Variants in POU2F2 observed in about 807,000 individuals in gnomAD.
The protein encoded by POU2F2 is POU domain, class 2, transcription factor 2.
A neutral mutation model predicts 63.5 loss-of-function variants in POU2F2; 14 were observed. The observed-to-expected ratio is 0.22, with a 90% CI of 0.15 to 0.34. POU2F2 has a LOEUF of 0.34. Ranked by LOEUF, POU2F2 falls within the 10% of genes least tolerant of loss-of-function variation. The pLI is 1.00. For missense variants in POU2F2, 607 were observed against 815.2 expected (o/e 0.74, Z 3.11); for synonymous variants, 306 against 348.6 (o/e 0.88, Z 1.36).
chr19:42,096,802 A>T lies in POU2F2; in HGVS notation c.568-559T>A, dbSNP rs369123113. On this transcript the variant is annotated intron_variant, in intron 7 of 14. Coordinates refer to ENST00000692977, the MANE Select transcript of POU2F2 (RefSeq NM_001394376.1). The surrounding 1 kb of genome is among the most constrained non-coding windows in gnomAD (Gnocchi z 4.1). Reference sequence around the variant, plus strand: ...CAGCTATGAACTTTGGGTAATAGTGATGTGTCAATGTAGGTTCATCACCTG... The same window carrying T: ...CAGCTATGAACTTTGGGTAATAGTGTTGTGTCAATGTAGGTTCATCACCTG... Among the ~76,000 whole-genome samples the T allele has an allele frequency of 3.9e-4, 60 of 152,260 alleles. No homozygotes were observed. The highest frequency in any genetic ancestry group is 1.4e-3 in the African/African-American group (57 of 41,538).
rs551132898 is a variant in POU2F2 at position 42,170,572 on chromosome 19, T to G, written c.-70+5391A>C. Among the ~76,000 whole-genome samples, 5 of 152,232 alleles carry G rather than the reference T, an allele frequency of 3.3e-5. No homozygotes were observed. In the South Asian group the frequency reaches 8.3e-4, roughly 25 times the overall value. ...TCCCTGAACACTTTGTGGGTGGGCATGTACACATAGACGCACAAGCAAACA... is the reference window on the plus strand; with the variant it reads ...TCCCTGAACACTTTGTGGGTGGGCAGGTACACATAGACGCACAAGCAAACA... On this transcript the variant is annotated intron_variant, in intron 1 of 6. Transcript: ENST00000524801.
intron 1 of POU2F2, among the ~76,000 whole-genome samples, chr19:42,168,009 G>A (rs1310426309): frequency 1.3e-5 from 2 of 152,206 alleles, no homozygotes; most frequent in African/African-American, 2.4e-5. Context: ...TCAATAGAAC[G>A]TCAGTAGAAA....
At chr19:42,185,883 G>A (rs767796595) in intron 1 of POU2F2, among the ~76,000 whole-genome samples, 2 of 152,040 alleles carry the variant, frequency 1.3e-5, no homozygotes, top group Non-Finnish European at 2.9e-5. Context: ...AACTAGACTG[G>A]GAAAATTGAA....
chr19:42,171,823 G>T (rs1177716791), intron 1 of POU2F2, among the ~76,000 whole-genome samples: 6 of 152,064 alleles, frequency 3.9e-5, no homozygotes, highest in Non-Finnish European at 7.3e-5. Flanking sequence ...AACCTTGTTG[G>T]TTTCTGTGAG....
chr19:42,174,905 C>T lies in POU2F2; in HGVS notation c.-70+1058G>A, dbSNP rs565202975. Among the ~76,000 whole-genome samples, 4 of 152,308 alleles carry T rather than the reference C, an allele frequency of 2.6e-5. No homozygotes were observed. In the South Asian group the frequency reaches 8.3e-4, roughly 32 times the overall value. ...TTGGGTCTTTCTCTAAATCCAGGAC[C>T]TACTCCCCAACTCCACAGGCCCCAG... is the stretch of plus-strand genomic sequence containing the variant. On this transcript the variant is annotated intron_variant, in intron 1 of 6. Transcript: ENST00000524801.
upstream of POU2F2, among the ~76,000 whole-genome samples, chr19:42,135,165 G>A (rs1466123173): frequency 1.3e-5 from 2 of 152,112 alleles, no homozygotes; most frequent in African/African-American, 4.8e-5. Flanking sequence ...CATAGGCACT[G>A]CCCTCATCTG....
In POU2F2 at chr19:42,153,461, T is replaced by G. The variant is rs567650353; in HGVS notation, c.-9+6871A>C. On this transcript the variant is annotated intron_variant, in intron 2 of 6. Coordinates refer to the POU2F2 transcript ENST00000524801. The surrounding 1 kb of genome is among the most constrained non-coding windows in gnomAD (Gnocchi z 5.6). Reference sequence around the variant, plus strand: ...TCCCATGTGCTCTGGGAAGCCTGTGTGTGTTGGCGTGCGCATGCCCCTGAC... The same window carrying G: ...TCCCATGTGCTCTGGGAAGCCTGTGGGTGTTGGCGTGCGCATGCCCCTGAC... Among the ~76,000 whole-genome samples, 4 of 152,112 alleles carry G rather than the reference T, an allele frequency of 2.6e-5. No individual in the cohort carries two copies. Among genetic ancestry groups the G allele is most frequent in the Non-Finnish European group, 5.9e-5 (4 of 68,014 alleles).
chr19:42,117,374 G>A lies in POU2F2; in HGVS notation c.245C>T (p.Pro82Leu), dbSNP rs2032056520. Residue 82 changes from proline to leucine, a missense_variant, in exon 5 of 15, where the codon CCC becomes CTC. Around this residue, in one of 7 missense-constraint regions of POU2F2, gnomAD observed 224 missense variants for 264.3 expected, o/e 0.85. Transcript: ENST00000692977. The surrounding 1 kb of genome is among the most constrained non-coding windows in gnomAD (Gnocchi z 4.4). ...GGGGTCTTCAGCCTTGATCTGGGGG[G>A]GAGAGAGGCAGGGTCCGGGACCCCA... ...TFWGPGPCLS[P>L]PQIKAEDPSG... 1.1e-5 allele frequency: 16 copies of A among 1,522,336 alleles called. No individual in the cohort carries two copies. Among genetic ancestry groups the A allele is most frequent in the Non-Finnish European group, 1.2e-5 (14 of 1,139,410 alleles). 94.3% of individuals were successfully genotyped at this position (1,522,336 alleles called of 1,614,324 possible).
intron 2 of POU2F2, among the ~76,000 whole-genome samples, chr19:42,138,626 G>C (rs1373123380): frequency 6.6e-6 from 1 of 152,130 alleles, no homozygotes; most frequent in Admixed American, 6.5e-5. Flanking sequence ...GACCAATGGG[G>C]AGGCTGGGAC....
Position 42,096,339 on chromosome 19 carries a change from G to A in POU2F2, c.568-96C>T. On this transcript the variant is annotated intron_variant, in intron 7 of 14. Coordinates refer to ENST00000692977, the MANE Select transcript of POU2F2 (RefSeq NM_001394376.1). The surrounding 1 kb of genome is among the most constrained non-coding windows in gnomAD (Gnocchi z 4.1). ...TCCCCCTCCCGCCCTCTTCGCCCCTGCGTTCCATCCGCCGCCTGCAGACTC... is the reference window on the plus strand; with the variant it reads ...TCCCCCTCCCGCCCTCTTCGCCCCTACGTTCCATCCGCCGCCTGCAGACTC... The A allele has an allele frequency of 7.7e-7, 1 of 1,300,010 alleles. No homozygotes were observed. The highest frequency in any genetic ancestry group is 1.0e-6 in the Non-Finnish European group (1 of 972,802). 80.5% of individuals were successfully genotyped at this position (1,300,010 alleles called of 1,614,324 possible).
At chr19:42,177,996 G>A (rs1394602810), upstream of POU2F2, among the ~76,000 whole-genome samples, 1 of 152,014 alleles carries the variant, frequency 6.6e-6, no homozygotes, top group African/African-American at 2.4e-5. Flanking sequence ...GGACTCAAAG[G>A]CAGGGAGAGG....
At chr19:42,107,878 C>T (rs1457576727) in intron 5 of POU2F2, among the ~76,000 whole-genome samples, 1 of 152,168 alleles carries the variant, frequency 6.6e-6, no homozygotes, top group East Asian at 1.9e-4. Context: ...GCTTACCTCT[C>T]CTTCCTTGCC....
intron 1 of POU2F2, among the ~76,000 whole-genome samples, chr19:42,167,394 C>T (rs1435382716): frequency 6.6e-6 from 1 of 151,540 alleles, no homozygotes; most frequent in African/African-American, 2.4e-5. Context: ...GCAGAGGTTG[C>T]AGTGGGCTGA....
chr19:42,131,972 G>T (rs958109381), intron 1 of POU2F2, among the ~76,000 whole-genome samples: 2 of 152,170 alleles, frequency 1.3e-5, no homozygotes, highest in Non-Finnish European at 2.9e-5. Flanking sequence ...ACCTGTACCA[G>T]ATGTGCACAC....
intron 1 of POU2F2, among the ~76,000 whole-genome samples, chr19:42,125,673 C>A (rs1951877172): frequency 6.6e-6 from 1 of 152,228 alleles, no homozygotes; most frequent in African/African-American, 2.4e-5. Flanking sequence ...CAGCCCCAGC[C>A]TCCTCTGGCC....
intron 5 of POU2F2, among the ~76,000 whole-genome samples, chr19:42,109,163 T>C (rs2030650341): frequency 6.6e-6 from 1 of 152,094 alleles, no homozygotes; most frequent in African/African-American, 2.4e-5. Flanking sequence ...ACAGTGAACT[T>C]GAGGAGTTCA....
At chr19:42,191,073 CA>C (rs200638271) in intron 1 of POU2F2, among the ~76,000 whole-genome samples, 10,379 of 72,246 alleles carry the variant, frequency 0.14, 393 homozygotes, top group Middle Eastern at 0.3. Flanking sequence ...GACTCAGTTT[CA>C]AAAAAAAAAA....
chr19:42,179,355 A>C (rs1261658865), upstream of POU2F2, among the ~76,000 whole-genome samples: 1 of 152,012 alleles, frequency 6.6e-6, no homozygotes, highest in Non-Finnish European at 1.5e-5. Flanking sequence ...GAAGGAAAGG[A>C]AGGCCAAGGG....
chr19:42,189,477 C>T (rs1341889939), intron 1 of POU2F2, among the ~76,000 whole-genome samples: 1 of 152,204 alleles, frequency 6.6e-6, no homozygotes. Flanking sequence ...CCTGCTACTG[C>T]CCTGGTTCTA....
Sources: gnomAD v4.1 joint callset for allele counts (sites outside exome capture counted in the v4.1 genomes callset) on GRCh38, gnomAD v4.1.1 for gene constraint, gnomAD v4.1.1 regional missense constraint, Gnocchi (gnomAD v3.1) non-coding constraint, MANE v1.5 for transcripts, NCBI Gene and HGNC (gene_info 2026-07-23, HGNC 2026-07-21) for gene names.